SUSD5: variants seen among roughly 807,000 people sequenced by gnomAD.
SUSD5 encodes the protein sushi domain-containing protein 5.
In SUSD5, 33 loss-of-function variants were observed where a neutral mutation model predicts 29.5. That is an observed-to-expected ratio of 1.12 (90% CI 0.85 to 1.49). The LOEUF is 1.49. SUSD5 is among the 40% of genes most tolerant of loss of function. The pLI is 0.00. For synonymous variants in SUSD5, 308 were observed against 325.3 expected, an observed-to-expected ratio of 0.95 and a Z score of 0.57; for missense variants, 776 against 800.6, an observed-to-expected ratio of 0.97 and a Z score of 0.37.
At chr3:33,202,722 T>C (rs1314983128) in intron 3 of SUSD5, among the ~76,000 whole-genome samples, 3 of 152,194 alleles carry the variant, frequency 2.0e-5, no homozygotes, top group Non-Finnish European at 4.4e-5. Context: ...CAGAATCCAG[T>C]TGGTTAAAAA....
In SUSD5 at chr3:33,150,303, T is replaced by C. The variant is rs2030839062; in HGVS notation, c.*2439A>G. 1 of 151,908 alleles carries C rather than the reference T, an allele frequency of 6.6e-6. No homozygotes were observed. Among genetic ancestry groups the C allele is most frequent in the Non-Finnish European group, 1.5e-5 (1 of 67,936 alleles). The allele number at this position is 151,908 out of a possible 1,614,324, so 9.4% of individuals were successfully genotyped here. ...ACAGTCCATGTCTACAAATAAAACA[T>C]TTACCTGTATTAATAATTTGTAATA... On this transcript the variant is annotated 3_prime_UTR_variant, in exon 5 of 5. Coordinates refer to ENST00000309558, the MANE Select transcript of SUSD5 (RefSeq NM_015551.2).
intron 2 of SUSD5, 52 bp downstream of exon 2, chr3:33,213,876 C>G (rs575018268): frequency 1.9e-6 from 3 of 1,544,048 alleles, no homozygotes; most frequent in South Asian, 2.5e-5. Flanking sequence ...CCTATATAAG[C>G]CTTGGTGGTG....
intron 3 of SUSD5, among the ~76,000 whole-genome samples, chr3:33,181,539 T>C (rs1310273551): frequency 1.3e-5 from 2 of 151,438 alleles, no homozygotes; most frequent in African/African-American, 4.8e-5. Flanking sequence ...TGCCTAGATA[T>C]TTTTTTCCCC....
intron 3 of SUSD5, among the ~76,000 whole-genome samples, 154 bp downstream of exon 3, chr3:33,207,653 TC>T (rs992992738): frequency 6.6e-6 from 1 of 152,168 alleles, no homozygotes; most frequent in African/African-American, 2.4e-5. Flanking sequence ...CTTGTCCACT[TC>T]CCCACCGCAC....
At chr3:33,170,458 C>T (rs2031400432) in intron 4 of SUSD5, among the ~76,000 whole-genome samples, 1 of 152,186 alleles carries the variant, frequency 6.6e-6, no homozygotes, top group South Asian at 2.1e-4. Flanking sequence ...TAAGTCCTCG[C>T]CCATTTCAGT....
chr3:33,164,936 C>A (rs1014694026), intron 4 of SUSD5, among the ~76,000 whole-genome samples: 4 of 150,622 alleles, frequency 2.7e-5, no homozygotes, highest in South Asian at 4.2e-4. Flanking sequence ...ACCATTTGGG[C>A]ATTATCTTGT....
chr3:33,157,464 T>A (rs893481140), intron 4 of SUSD5, among the ~76,000 whole-genome samples: 1 of 152,216 alleles, frequency 6.6e-6, no homozygotes, highest in Non-Finnish European at 1.5e-5. Context: ...AAGAAAGTCA[T>A]GACGTATATC....
chr3:33,175,763 C>A (rs1003750242), intron 3 of SUSD5, among the ~76,000 whole-genome samples: 1 of 152,098 alleles, frequency 6.6e-6, no homozygotes, highest in African/African-American at 2.4e-5. Context: ...GACCCTTCCA[C>A]GCACACAGCT....
At chr3:33,198,888 C>A (rs767115620) in intron 3 of SUSD5, among the ~76,000 whole-genome samples, 1 of 152,078 alleles carries the variant, frequency 6.6e-6, no homozygotes, top group Non-Finnish European at 1.5e-5. Flanking sequence ...CCATATTTCA[C>A]CCACCCCGGG....
At position 33,167,937 on chromosome 3, in the gene SUSD5, C is replaced by A. The variant is rs1053029240; in HGVS notation, c.598+6949G>T. Among the ~76,000 whole-genome samples the A allele has an allele frequency of 1.3e-5, 2 of 152,202 alleles. No homozygotes were observed. The highest frequency in any genetic ancestry group is 2.9e-5 in the Non-Finnish European group (2 of 68,040). ...AAACCTGTGCTAACACAACATGGGG[C>A]CTTCTGATTTAGACAAACAAGTCTA... On this transcript the variant is annotated intron_variant, in intron 4 of 4. Coordinates refer to ENST00000309558, the MANE Select transcript of SUSD5 (RefSeq NM_015551.2). The surrounding 1 kb of genome is among the most constrained non-coding windows in gnomAD (Gnocchi z 4.1).
rs2125612559 is a variant in SUSD5, at chr3:33,153,776, A to G, written c.856T>C (p.Ser286Pro). 2 of 1,614,010 alleles carry G rather than the reference A, an allele frequency of 1.2e-6. No homozygotes were observed. Among genetic ancestry groups the G allele is most frequent in the Non-Finnish European group, 1.7e-6 (2 of 1,179,890 alleles). Reference sequence around the variant, plus strand: ...AACAAGTGCTTCTGGAGCAGCCGTGATCCTGGTGAATCTGCGGGGACACTG... The same window carrying G: ...AACAAGTGCTTCTGGAGCAGCCGTGGTCCTGGTGAATCTGCGGGGACACTG... ...GSSVPADSPG[S>P]RLLQKHLFWF... is the part of the protein sequence containing the mutation. The change falls in exon 5 of 5, where the codon TCA becomes CCA. Residue 286 changes from serine (S) to proline (P), a missense_variant. By Grantham distance (74) the Ser-to-Pro change is moderately conservative. Coordinates refer to ENST00000309558, the MANE Select transcript of SUSD5 (RefSeq NM_015551.2).
intron 1 of SUSD5, among the ~76,000 whole-genome samples, chr3:33,214,472 T>C (rs972093792): frequency 5.3e-5 from 8 of 152,150 alleles, no homozygotes; most frequent in Admixed American, 3.9e-4. Context: ...ACTAAGGCAC[T>C]GATTTAGGCC....
chr3:33,154,051 A>G lies in SUSD5; in HGVS notation c.599-18T>C. 6.4e-7 allele frequency: 1 copy of G among 1,552,040 alleles called. No homozygotes were observed. Among genetic ancestry groups the G allele is most frequent in the Non-Finnish European group, 8.7e-7 (1 of 1,154,596 alleles). On this transcript the variant is annotated intron_variant, in intron 4 of 4. Transcript: ENST00000309558. ...AGCCTCATCTGGAAGAAAAGAGGGA[A>G]AAAACCTCATTAGCTCCAAAGGCAC...
chr3:33,170,401 G>A (rs1301154883), intron 4 of SUSD5, among the ~76,000 whole-genome samples: 1 of 152,188 alleles, frequency 6.6e-6, no homozygotes, highest in Non-Finnish European at 1.5e-5. Flanking sequence ...CTAGGGACCA[G>A]AGCTAGAGAA....
At chr3:33,190,273 C>CT in intron 3 of SUSD5, 1 of 164,102 alleles carries the variant, frequency 6.1e-6, no homozygotes, top group Non-Finnish European at 1.3e-5. Flanking sequence ...CAAGTCTGCC[C>CT]TTTCTGCCTT....
intron 4 of SUSD5, among the ~76,000 whole-genome samples, 180 bp from the exon 5 acceptor site, chr3:33,154,213 A>T (rs2030996529): frequency 6.6e-6 from 1 of 152,228 alleles, no homozygotes; most frequent in African/African-American, 2.4e-5. Context: ...GAATATTACA[A>T]GTAACTAAAA....
chr3:33,188,268 T>C (rs184027761), intron 3 of SUSD5, among the ~76,000 whole-genome samples: 8 of 152,218 alleles, frequency 5.3e-5, no homozygotes, highest in African/African-American at 1.9e-4. Flanking sequence ...CCTGCAAAAC[T>C]CAATTATTAC....
intron 3 of SUSD5, among the ~76,000 whole-genome samples, chr3:33,207,187 C>T (rs2032238211): frequency 6.6e-6 from 1 of 152,132 alleles, no homozygotes. Context: ...TTATAAATTT[C>T]CTTTTTGGGA....
chr3:33,159,161 G>A (rs1372645860), intron 4 of SUSD5, among the ~76,000 whole-genome samples: 3 of 152,174 alleles, frequency 2.0e-5, no homozygotes, highest in Non-Finnish European at 2.9e-5. Context: ...CTAGGTGATG[G>A]GAAAGCTGGC....
Sources: allele counts gnomAD v4.1 joint callset (sites outside exome capture counted in the v4.1 genomes callset), GRCh38; gene constraint gnomAD v4.1.1; non-coding constraint Gnocchi (gnomAD v3.1); transcripts MANE v1.5; gene names NCBI Gene and HGNC (gene_info 2026-07-23, HGNC 2026-07-21).